The following ATP9A variants were observed in gnomAD, a reference collection of about 807,000 sequenced individuals.
The protein encoded by ATP9A is ATPase phospholipid transporting 9A.
Under a neutral mutation model 144.1 loss-of-function variants are expected in ATP9A, and 52 were observed. The observed-to-expected ratio is 0.36, with a 90% CI of 0.29 to 0.45. The LOEUF (loss-of-function observed/expected upper bound fraction) is 0.45. ATP9A is among the 20% of genes least tolerant of loss of function. The probability of loss-of-function intolerance (pLI) is 1.00; values close to 1 mark genes in which losing one functional copy is unlikely to be tolerated. For missense variants in ATP9A, 947 were observed against 1,392.7 expected (o/e 0.68, Z 5.09); for synonymous variants, 582 against 557.4 (o/e 1.04, Z -0.62).
intron 9 of ATP9A, among the ~76,000 whole-genome samples, chr20:51,686,672 T>G (rs1225975156): frequency 1.3e-5 from 2 of 152,310 alleles, no homozygotes; most frequent in South Asian, 4.1e-4. Context: ...CGGTGGCTCA[T>G]GCCTGTAACC....
chr20:51,704,955 C>A (rs1328054051), intron 4 of ATP9A, among the ~76,000 whole-genome samples: 1 of 152,052 alleles, frequency 6.6e-6, no homozygotes, highest in African/African-American at 2.4e-5. Context: ...TCTTTGAGGT[C>A]CTTAGTGAAG....
intron 14 of ATP9A, among the ~76,000 whole-genome samples, chr20:51,639,994 G>A (rs2077311922): frequency 6.6e-6 from 1 of 152,122 alleles, no homozygotes; most frequent in African/African-American, 2.4e-5. Context: ...GCTGAGGCAG[G>A]AGAATCGCTT....
chr20:51,690,324 G>A lies in ATP9A; in HGVS notation c.723+415C>T, dbSNP rs567464530. 3.3e-5 allele frequency among the ~76,000 whole-genome samples: 5 copies of A among 151,638 alleles called. No individual in the cohort carries two copies. In the South Asian group the frequency reaches 8.4e-4, roughly 25 times the overall value. On this transcript the variant is annotated intron_variant, in intron 8 of 27. Coordinates refer to ENST00000338821, the MANE Select transcript of ATP9A (RefSeq NM_006045.3). ...AATCCCAGCTACTTGGGAGGCTGAGGCAGGAGAATGGCGTGAACCCGGGAG... is the reference window on the plus strand; with the variant it reads ...AATCCCAGCTACTTGGGAGGCTGAGACAGGAGAATGGCGTGAACCCGGGAG...
At chr20:51,626,926 G>A (rs955871211) in intron 17 of ATP9A, among the ~76,000 whole-genome samples, 25 of 151,822 alleles carry the variant, frequency 1.6e-4, no homozygotes, top group East Asian at 7.7e-4. Context: ...GCATGGTGAC[G>A]GGCAACTGTA....
intron 2 of ATP9A, 143 bp downstream of exon 2, chr20:51,729,691 G>A (rs2077731622): frequency 1.7e-5 from 16 of 914,410 alleles, no homozygotes; most frequent in Non-Finnish European, 2.4e-5. Context: ...GTTGCAGTGA[G>A]CCAAGATTGC....
chr20:51,614,308 T>A (rs890300767), intron 22 of ATP9A, among the ~76,000 whole-genome samples: 5 of 152,198 alleles, frequency 3.3e-5, no homozygotes, highest in African/African-American at 1.2e-4. Context: ...TTTTAATTTT[T>A]ATTTTTTCTT....
intron 9 of ATP9A, among the ~76,000 whole-genome samples, chr20:51,677,661 T>A (rs1018395712): frequency 6.6e-6 from 1 of 152,130 alleles, no homozygotes; most frequent in Admixed American, 6.5e-5. Context: ...CTAAACCTGA[T>A]CCCTTTCAGT....
chr20:51,619,157 C>T, intron 19 of ATP9A, 114 bp from the exon 20 acceptor site: 1 of 789,240 alleles, frequency 1.3e-6, no homozygotes, highest in Admixed American at 2.3e-5. Context: ...CCAAGGGTCC[C>T]TCCCCTCCCC....
intron 14 of ATP9A, among the ~76,000 whole-genome samples, chr20:51,654,573 T>C (rs1414072292): frequency 6.6e-6 from 1 of 151,802 alleles, no homozygotes; most frequent in African/African-American, 2.4e-5. Flanking sequence ...CTTATGCTCA[T>C]TTAAAGCCGG....
rs917601926 is a variant in ATP9A at position 51,639,224 on chromosome 20, G to A, written c.1668+119C>T. ...TCTGCTTAGGGAATTATATTCCCTT[G>A]TTAGTCTGGGTGACAGATACCACAG... On this transcript the variant is annotated intron_variant, in intron 15 of 27. Transcript: ENST00000338821. 5.3e-6 allele frequency: 6 copies of A among 1,121,946 alleles called. No homozygotes were observed. The East Asian group carries it at 7.5e-5, about 14-fold the overall frequency. The allele number at this position is 1,121,946 out of a possible 1,614,324, so 69.5% of individuals were successfully genotyped here.
Position 51,713,767 on chromosome 20 carries a change from T to G in ATP9A, c.328-693A>C, listed in dbSNP as rs1370534663. Among the ~76,000 whole-genome samples, 3 of 152,168 alleles carry G rather than the reference T, an allele frequency of 2.0e-5. No homozygotes were observed. The East Asian group carries it at 5.8e-4, about 29-fold the overall frequency. On this transcript the variant is annotated intron_variant, in intron 3 of 27. Coordinates refer to ENST00000338821, the MANE Select transcript of ATP9A (RefSeq NM_006045.3). ...AGGACATACACTGCAACCCCATTCA[T>G]ATAAATAGCAACAAAGATTCTATAC...
intron 9 of ATP9A, among the ~76,000 whole-genome samples, chr20:51,687,057 A>C (rs1429164139): frequency 6.6e-6 from 1 of 152,168 alleles, no homozygotes; most frequent in African/African-American, 2.4e-5. Context: ...CAAATTATCA[A>C]AGAATAAAAA....
intron 9 of ATP9A, among the ~76,000 whole-genome samples, chr20:51,680,208 C>T (rs1267787442): frequency 7.4e-6 from 1 of 135,218 alleles, no homozygotes; most frequent in Non-Finnish European, 1.5e-5. Flanking sequence ...CCAGCCTGAG[C>T]GACAGTGAGA....
chr20:51,743,396 A>ATTT (rs769952209), intron 1 of ATP9A, among the ~76,000 whole-genome samples: 914 of 89,722 alleles, frequency 0.01, 119 homozygotes, highest in African/African-American at 0.041. Context: ...ACCGAAACTG[A>ATTT]TTTTTTTTTT....
chr20:51,617,694 A>C, intron 21 of ATP9A, 140 bp from the exon 22 acceptor site: 1 of 913,412 alleles, frequency 1.1e-6, no homozygotes. Flanking sequence ...CATCTCTCCA[A>C]CCCCTTGACT....
At chr20:51,692,532 T>C in intron 7 of ATP9A, among the ~76,000 whole-genome samples, 1 of 152,238 alleles carries the variant, frequency 6.6e-6, no homozygotes, top group Admixed American at 6.5e-5. Context: ...TGGGAGGTGG[T>C]GGCTCGTGCC....
chr20:51,641,689 G>A (rs1233651821), intron 14 of ATP9A, among the ~76,000 whole-genome samples: 1 of 151,438 alleles, frequency 6.6e-6, no homozygotes, highest in African/African-American at 2.4e-5. Flanking sequence ...AAATAAGCTG[G>A]GCGTGGTGGC....
chr20:51,661,801 C>CTA (rs1452611371), intron 13 of ATP9A, among the ~76,000 whole-genome samples: 1 of 110,028 alleles, frequency 9.1e-6, no homozygotes, highest in Non-Finnish European at 2.0e-5. Flanking sequence ...CTCAGAGCTA[C>CTA]TACCTCCAAA....
At position 51,674,290 on chromosome 20, in the gene ATP9A, C is replaced by T. The variant is rs766838866; in HGVS notation, c.900G>A (p.Val300=). The T allele has an allele frequency of 6.2e-7, 1 of 1,613,530 alleles. No individual in the cohort carries two copies. Among genetic ancestry groups the T allele is most frequent in the Non-Finnish European group, 8.5e-7 (1 of 1,179,954 alleles). ...RSKIGLFDLE[V]NCLTKILFGA... ...CAAAGAGGATCTTGGTGAGGCAGTT[C>T]ACTTCCAAGTCGAACAGGCCGATCT... Residue 300 remains valine, a synonymous_variant, in exon 11 of 28, where the codon GTG becomes GTA. Coordinates refer to ENST00000338821, the MANE Select transcript of ATP9A (RefSeq NM_006045.3).
Sources: gnomAD v4.1 joint callset for allele counts (sites outside exome capture counted in the v4.1 genomes callset) on GRCh38, gnomAD v4.1.1 for gene constraint, MANE v1.5 for transcripts, NCBI Gene and HGNC (gene_info 2026-07-23, HGNC 2026-07-21) for gene names.